The following CD226 variants were observed in gnomAD, a reference collection of about 807,000 sequenced individuals.
The protein encoded by CD226 is CD226 antigen.
Under a neutral mutation model 34.9 loss-of-function variants are expected in CD226, and 24 were observed. The ratio of observed to expected loss-of-function variants is 0.69; its 90% confidence interval spans 0.50 to 0.97. The LOEUF is 0.97. Among genes scored for constraint, CD226 ranks in the 50% least tolerant of loss-of-function variants. CD226 has a pLI of 0.00. For synonymous variants in CD226, 148 were observed against 147.4 expected, an observed-to-expected ratio of 1.00 and a Z score of -0.03; for missense variants, 397 against 412.7, an observed-to-expected ratio of 0.96 and a Z score of 0.33.
intron 2 of CD226, among the ~76,000 whole-genome samples, chr18:69,941,787 TG>T (rs1423241100): frequency 6.6e-6 from 1 of 152,072 alleles, no homozygotes; most frequent in African/African-American, 2.4e-5. Context: ...TGGGAGGGTA[TG>T]GTTGTATTTT....
At chr18:69,901,427 A>G (rs2055181056) in intron 2 of CD226, among the ~76,000 whole-genome samples, 1 of 152,204 alleles carries the variant, frequency 6.6e-6, no homozygotes, top group African/African-American at 2.4e-5. Context: ...AATTTGCTTC[A>G]AATTAATCAA....
At chr18:69,956,173 T>C (rs1053514854) in intron 1 of CD226, among the ~76,000 whole-genome samples, 2 of 152,248 alleles carry the variant, frequency 1.3e-5, no homozygotes, top group African/African-American at 4.8e-5. Context: ...CCATAAACAG[T>C]TTGGTTGGAG....
chr18:69,868,796 C>T (rs924882103), intron 4 of CD226, among the ~76,000 whole-genome samples: 15 of 109,776 alleles, frequency 1.4e-4, no homozygotes, highest in African/African-American at 3.3e-4. Context: ...CACACGTGCG[C>T]GTGCACGCAC....
At chr18:69,907,454 C>T (rs1325501268) in intron 2 of CD226, among the ~76,000 whole-genome samples, 5 of 152,076 alleles carry the variant, frequency 3.3e-5, no homozygotes, top group East Asian at 3.9e-4. Context: ...ATTACAGGCA[C>T]ACACCACCAT....
intron 4 of CD226, among the ~76,000 whole-genome samples, chr18:69,872,426 T>G (rs1380256139): frequency 2.0e-5 from 3 of 152,098 alleles, no homozygotes; most frequent in Admixed American, 6.6e-5. Context: ...TAATTTTTAA[T>G]TTTTGTTATT....
Position 69,895,849 on chromosome 18 carries a change from T to C in CD226, c.579A>G (p.Arg193=). ...CGTGGCTGCAGTTGCTCACTATTTG[T>C]CTTGGGAACTTGGAGGTGAAATTTC... ...HGRNFTSKFP[R]QIVSNCSHGR... is the part of the protein sequence containing the mutation. Residue 193 remains arginine, a synonymous_variant, in exon 3 of 6, where the codon AGA becomes AGG. Coordinates refer to ENST00000582621, the MANE Select transcript of CD226 (RefSeq NM_001303618.2). 3.1e-6 allele frequency: 5 copies of C among 1,614,182 alleles called. No individual in the cohort carries two copies. The highest frequency in any genetic ancestry group is 4.2e-6 in the Non-Finnish European group (5 of 1,180,036).
chr18:69,870,272 C>CCT (rs1555677016), intron 4 of CD226, among the ~76,000 whole-genome samples: 58 of 124,092 alleles, frequency 4.7e-4, no homozygotes, highest in African/African-American at 1.7e-3. Context: ...TTGGCTCCCC[C>CCT]TTTTTTTTTT....
chr18:69,871,827 T>G (rs74929622), intron 4 of CD226, among the ~76,000 whole-genome samples: 3,456 of 152,304 alleles, frequency 0.023, 62 homozygotes, highest in Non-Finnish European at 0.037. Flanking sequence ...TTAACATTAT[T>G]CTGGTAGGAG....
rs188860417 is a variant in CD226, at chr18:69,883,271, G to A, written c.728-10025C>T. Reference sequence around the variant, plus strand: ...ATTTTTTAACTTTAACTTTAAAACCGTTGTTTTTTATAACAATAAAAAAAA... The same window carrying A: ...ATTTTTTAACTTTAACTTTAAAACCATTGTTTTTTATAACAATAAAAAAAA... On this transcript the variant is annotated intron_variant, in intron 3 of 5. Coordinates refer to ENST00000582621, the MANE Select transcript of CD226 (RefSeq NM_001303618.2). Among the ~76,000 whole-genome samples the A allele has an allele frequency of 2.3e-3, 348 of 152,086 alleles. 3 individuals are homozygous for A. Among genetic ancestry groups the A allele is most frequent in the African/African-American group, 8.0e-3 (330 of 41,474 alleles).
chr18:69,956,052 G>A (rs930409255), intron 1 of CD226, among the ~76,000 whole-genome samples: 2 of 152,130 alleles, frequency 1.3e-5, no homozygotes, highest in Non-Finnish European at 1.5e-5. Flanking sequence ...TGAGTGACCA[G>A]TAGAACCCCA....
Position 69,873,185 on chromosome 18 carries a change from AAAC to A in CD226, c.786_788del (p.Leu262del), listed in dbSNP as rs757016868. On this transcript the variant is annotated inframe_deletion, in exon 4 of 6. Coordinates refer to ENST00000582621, the MANE Select transcript of CD226 (RefSeq NM_001303618.2). ...CAATGATGGTGGTAATTGAGATAAC[AAAC>A]AACAACAATAAAACTGTCCCTCCAG... 1,083 of 1,611,202 alleles carry A rather than the reference AAAC, an allele frequency of 6.7e-4. 3 individuals are homozygous for A. Among genetic ancestry groups the A allele is most frequent in the Non-Finnish European group, 8.6e-4 (1,013 of 1,177,536 alleles).
chr18:69,929,918 T>C (rs1286920030), intron 2 of CD226, among the ~76,000 whole-genome samples: 1 of 152,174 alleles, frequency 6.6e-6, no homozygotes, highest in East Asian at 1.9e-4. Context: ...CTCTAGCCTA[T>C]TGTCTGAGCT....
At chr18:69,916,241 A>G (rs1018824597) in intron 2 of CD226, among the ~76,000 whole-genome samples, 15 of 152,228 alleles carry the variant, frequency 9.9e-5, no homozygotes, top group African/African-American at 3.1e-4. Context: ...ATATTTCAGG[A>G]AAAGATTAAT....
upstream of CD226, among the ~76,000 whole-genome samples, chr18:69,951,998 A>T (rs1599037192): frequency 6.6e-6 from 1 of 152,220 alleles, no homozygotes; most frequent in East Asian, 1.9e-4. Context: ...AGCACTATTC[A>T]CAATAACCAA....
upstream of CD226, among the ~76,000 whole-genome samples, chr18:69,948,470 C>A (rs1469384121): frequency 6.6e-6 from 1 of 152,176 alleles, no homozygotes; most frequent in African/African-American, 2.4e-5. Context: ...CTAATGCCGA[C>A]CCTGAACTTT....
At chr18:69,890,987 C>G (rs1459933592) in intron 3 of CD226, among the ~76,000 whole-genome samples, 1 of 145,934 alleles carries the variant, frequency 6.9e-6, no homozygotes, top group Non-Finnish European at 1.5e-5. Flanking sequence ...ACCAGCATCA[C>G]CCTGATACCA....
At chr18:69,894,203 T>C (rs889399497) in intron 3 of CD226, among the ~76,000 whole-genome samples, 2 of 150,328 alleles carry the variant, frequency 1.3e-5, no homozygotes, top group Non-Finnish European at 3.0e-5. Flanking sequence ...TGGACCTCTA[T>C]ATTTGTACTT....
Position 69,859,265 on chromosome 18 carries a change from G to C in CD226, c.*5049C>G, listed in dbSNP as rs80330226. On this transcript the variant is annotated 3_prime_UTR_variant, in exon 6 of 6. Transcript: ENST00000582621. The stretch of plus-strand genomic sequence containing the variant: ...ATGGAGTCTTTCTAAGGAAGTTGAC[G>C]TTGGTAGAATTCCTGCTGCATCACA... The C allele has an allele frequency of 6.6e-6, 1 of 152,060 alleles. No homozygotes were observed. The highest frequency in any genetic ancestry group is 1.5e-5 in the Non-Finnish European group (1 of 68,016). 9.4% of individuals were successfully genotyped at this position (152,060 alleles called of 1,614,324 possible).
At chr18:69,957,350 CTTT>C (rs11373057), upstream of CD226, among the ~76,000 whole-genome samples, 1 of 149,464 alleles carries the variant, frequency 6.7e-6, no homozygotes, top group Non-Finnish European at 1.5e-5. Context: ...TCTAGATACT[CTTT>C]TTTTTTTCTT....
Sources: gnomAD v4.1 joint callset for allele counts (sites outside exome capture counted in the v4.1 genomes callset) on GRCh38, gnomAD v4.1.1 for gene constraint, MANE v1.5 for transcripts, NCBI Gene and HGNC (gene_info 2026-07-23, HGNC 2026-07-21) for gene names.